The following DOK5 variants were observed in gnomAD, a reference collection of about 807,000 sequenced individuals.
The protein encoded by DOK5 is docking protein 5, also known as downstream of tyrosine kinase 5.
Under a neutral mutation model 43.3 loss-of-function variants are expected in DOK5, and 27 were observed. The ratio of observed to expected loss-of-function variants is 0.62; its 90% CI spans 0.46 to 0.86. The LOEUF is 0.86. DOK5 is among the 40% of genes least tolerant of loss of function. The pLI is 0.00. For synonymous variants in DOK5, 146 were observed against 140.1 expected (o/e 1.04, Z -0.30); for missense variants, 373 against 392.9 (o/e 0.95, Z 0.43).
chr20:54,618,359 T>C (rs992697759), intron 6 of DOK5, among the ~76,000 whole-genome samples: 10 of 152,090 alleles, frequency 6.6e-5, no homozygotes, highest in African/African-American at 2.4e-4. Flanking sequence ...CTTTTTTTTT[T>C]TTGAGACAGA....
At chr20:54,524,084 G>A (rs554761602) in intron 1 of DOK5, among the ~76,000 whole-genome samples, 22 of 152,262 alleles carry the variant, frequency 1.4e-4, no homozygotes, top group Non-Finnish European at 2.5e-4. Flanking sequence ...CCTACTCCAT[G>A]CATCTCCCAG....
chr20:54,553,166 T>G (rs745799292), intron 1 of DOK5, among the ~76,000 whole-genome samples: 1 of 151,842 alleles, frequency 6.6e-6, no homozygotes, highest in Non-Finnish European at 1.5e-5. Flanking sequence ...GGAATTCATT[T>G]TGTTTTGGGT....
intron 5 of DOK5, among the ~76,000 whole-genome samples, chr20:54,592,304 TGAAA>T (rs1288530771): frequency 6.6e-6 from 1 of 152,188 alleles, no homozygotes; most frequent in Admixed American, 6.5e-5. Flanking sequence ...TCATGAATAC[TGAAA>T]GAGATTAATG....
chr20:54,630,658 G>A (rs6023430), intron 6 of DOK5, among the ~76,000 whole-genome samples: 51,457 of 152,010 alleles, frequency 0.34, 10,698 homozygotes, highest in African/African-American at 0.58. Flanking sequence ...TTTTACGATC[G>A]TTTCATATCA....
chr20:54,504,550 T>TCTG (rs1982733973), intron 1 of DOK5, among the ~76,000 whole-genome samples: 1 of 152,320 alleles, frequency 6.6e-6, no homozygotes, highest in East Asian at 1.9e-4. Flanking sequence ...AACGTGAGGT[T>TCTG]CTGTGCCATT....
intron 1 of DOK5, among the ~76,000 whole-genome samples, chr20:54,541,854 C>T (rs976908117): frequency 2.0e-5 from 3 of 152,132 alleles, no homozygotes; most frequent in African/African-American, 7.2e-5. Context: ...CTTTAACATG[C>T]TGGACATGTG....
intron 5 of DOK5, among the ~76,000 whole-genome samples, chr20:54,599,725 C>T (rs1422399424): frequency 1.3e-5 from 2 of 152,152 alleles, no homozygotes; most frequent in Non-Finnish European, 2.9e-5. Flanking sequence ...TGATGGCCCA[C>T]TGGTGTTTGT....
intron 1 of DOK5, among the ~76,000 whole-genome samples, chr20:54,513,175 T>G (rs1055611697): frequency 6.6e-6 from 1 of 152,120 alleles, no homozygotes; most frequent in Non-Finnish European, 1.5e-5. Context: ...CCAGGGATGC[T>G]CCTGGAGATT....
intron 2 of DOK5, among the ~76,000 whole-genome samples, chr20:54,578,478 G>T (rs1001980221): frequency 2.0e-5 from 3 of 152,172 alleles, no homozygotes; most frequent in Admixed American, 6.5e-5. Flanking sequence ...TAATTTGAAG[G>T]AGTAACCAGG....
At chr20:54,518,290 A>G (rs868114516) in intron 1 of DOK5, among the ~76,000 whole-genome samples, 34 of 151,348 alleles carry the variant, frequency 2.2e-4, no homozygotes, top group Admixed American at 6.6e-4. Context: ...CCACCCCACA[A>G]CAGGACCCAG....
chr20:54,570,656 A>G (rs1457238316), intron 2 of DOK5, among the ~76,000 whole-genome samples: 1 of 152,090 alleles, frequency 6.6e-6, no homozygotes, highest in African/African-American at 2.4e-5. Context: ...TTTTTTTTTA[A>G]ATGGCTTTTG....
At chr20:54,516,733 A>G (rs1336310821) in intron 1 of DOK5, among the ~76,000 whole-genome samples, 1 of 152,192 alleles carries the variant, frequency 6.6e-6, no homozygotes, top group Non-Finnish European at 1.5e-5. Context: ...TGACTCAACT[A>G]CTAAATAGGT....
intron 6 of DOK5, among the ~76,000 whole-genome samples, chr20:54,613,691 A>AT (rs1354841830): frequency 1.3e-5 from 2 of 152,158 alleles, no homozygotes; most frequent in Non-Finnish European, 2.9e-5. Context: ...TATTTCATAG[A>AT]TTTTTAAAAC....
In DOK5 at chr20:54,562,785, A is replaced by G. The variant is rs1375996217; in HGVS notation, c.174+7745A>G. ...ATACAGAAGGTTAAAAAAAAAATCA[A>G]ATGGTATTGAAGCGCTTATCATGAA... On this transcript the variant is annotated intron_variant, in intron 2 of 7. Transcript: ENST00000262593. Among the ~76,000 whole-genome samples the G allele has an allele frequency of 6.2e-4, 94 of 152,256 alleles. 2 individuals are homozygous for G. The highest frequency in any genetic ancestry group is 6.1e-3 in the Admixed American group (94 of 15,300).
chr20:54,558,941 A>ATGC (rs1984808491), intron 2 of DOK5, among the ~76,000 whole-genome samples: 1 of 152,192 alleles, frequency 6.6e-6, no homozygotes, highest in Admixed American at 6.5e-5. Flanking sequence ...AAAATTGGAA[A>ATGC]ATAAACATAT....
At chr20:54,515,772 T>C (rs1355991628) in intron 1 of DOK5, among the ~76,000 whole-genome samples, 1 of 152,140 alleles carries the variant, frequency 6.6e-6, no homozygotes, top group African/African-American at 2.4e-5. Context: ...CTAAAGAGAG[T>C]ACGCAAAGAT....
At position 54,644,026 on chromosome 20, in the gene DOK5, C is replaced by G. The variant is rs528375428; in HGVS notation, c.856+448C>G. 4.6e-5 allele frequency among the ~76,000 whole-genome samples: 7 copies of G among 152,196 alleles called. No homozygotes were observed. In the South Asian group the frequency reaches 1.5e-3, roughly 32 times the overall value. ...ATTTCCATGCCCTTCCCCAGACCTA[C>G]TGAATCAGGAGCTCTGAGGGTGGGG... On this transcript the variant is annotated intron_variant, in intron 7 of 7. Coordinates refer to ENST00000262593, the MANE Select transcript of DOK5 (RefSeq NM_018431.5).
At chr20:54,566,113 C>T (rs772419335) in intron 2 of DOK5, among the ~76,000 whole-genome samples, 3 of 151,504 alleles carry the variant, frequency 2.0e-5, no homozygotes, top group Non-Finnish European at 4.4e-5. Context: ...ACCCCACCAC[C>T]CCAGCAGGCA....
rs1037231575 is a variant in DOK5, at chr20:54,475,685, T to G, written c.-262T>G. ...CTGGCAGGCCGGCCGCGGAGTCAGC[T>G]GACGCCGGCGCTCCAGCCTCGCCTC... On this transcript the variant is annotated 5_prime_UTR_variant, in exon 1 of 8. Coordinates refer to ENST00000262593, the MANE Select transcript of DOK5 (RefSeq NM_018431.5). The surrounding 1 kb of genome is among the most constrained non-coding windows in gnomAD (Gnocchi z 4.2). The G allele has an allele frequency of 7.4e-6, 4 of 539,616 alleles. No individual in the cohort carries two copies. Among genetic ancestry groups the G allele is most frequent in the Non-Finnish European group, 1.3e-5 (4 of 304,872 alleles). The allele number at this position is 539,616 out of a possible 1,614,324, so 33.4% of individuals were successfully genotyped here.
Sources: gnomAD v4.1 joint callset for allele counts (sites outside exome capture counted in the v4.1 genomes callset) on GRCh38, gnomAD v4.1.1 for gene constraint, Gnocchi (gnomAD v3.1) non-coding constraint, MANE v1.5 for transcripts, NCBI Gene and HGNC (gene_info 2026-07-23, HGNC 2026-07-21) for gene names.